BAZ2B: variants seen among roughly 807,000 people sequenced by gnomAD.
BAZ2B encodes bromodomain adjacent to zinc finger domain protein 2B.
A neutral mutation model predicts 246.0 loss-of-function variants in BAZ2B; 91 were observed. That is an observed-to-expected ratio of 0.37 (90% CI 0.31 to 0.44). The LOEUF is 0.44. Among genes scored for constraint, BAZ2B ranks in the 20% least tolerant of loss-of-function variants. The pLI is 1.00. For synonymous variants in BAZ2B, 855 were observed against 860.0 expected (o/e 0.99, Z 0.10); for missense variants, 2,332 against 2,533.7 (o/e 0.92, Z 1.71).
At position 159,320,255 on chromosome 2, in the gene BAZ2B, T is replaced by A; in HGVS notation, c.*10A>T. On this transcript the variant is annotated 3_prime_UTR_variant, in exon 37 of 37. Coordinates refer to ENST00000392783, the MANE Select transcript of BAZ2B (RefSeq NM_013450.4). ...TTTAGAAGGAAAAAAATAAAGAGAT[T>A]ATTATAACTTCAGCTCACTTTGAAA... is the stretch of plus-strand genomic sequence containing the variant. The A allele has an allele frequency of 6.5e-7, 1 of 1,526,722 alleles. No homozygotes were observed. The highest frequency in any genetic ancestry group is 8.7e-7 in the Non-Finnish European group (1 of 1,149,668). 94.6% of individuals were successfully genotyped at this position (1,526,722 alleles called of 1,614,324 possible).
In BAZ2B at chr2:159,352,911, G is replaced by A. The variant is rs2058709765; in HGVS notation, c.4214-2554C>T. 4.6e-5 allele frequency among the ~76,000 whole-genome samples: 7 copies of A among 152,302 alleles called. No homozygotes were observed. The South Asian group carries it at 1.0e-3, about 23-fold the overall frequency. The stretch of plus-strand genomic sequence containing the variant: ...TCCCAGCTACTTGGGAGGCTGAGGT[G>A]GAAGGATCGCTTGAGCCCAGGAGTT... On this transcript the variant is annotated intron_variant, in intron 27 of 36. Coordinates refer to ENST00000392783, the MANE Select transcript of BAZ2B (RefSeq NM_013450.4).
At chr2:159,389,091 A>C (rs2062997021) in intron 21 of BAZ2B, among the ~76,000 whole-genome samples, 1 of 133,436 alleles carries the variant, frequency 7.5e-6, no homozygotes, top group African/African-American at 2.8e-5. Flanking sequence ...CCCTGTCTGA[A>C]AACAACCAAC....
chr2:159,538,707 T>A (rs2086300882), intron 2 of BAZ2B, among the ~76,000 whole-genome samples: 1 of 152,250 alleles, frequency 6.6e-6, no homozygotes, highest in South Asian at 2.1e-4. Flanking sequence ...AATCAATTCC[T>A]TTGTTTATAA....
At chr2:159,354,657 T>C (rs2058906783) in intron 27 of BAZ2B, among the ~76,000 whole-genome samples, 1 of 152,282 alleles carries the variant, frequency 6.6e-6, no homozygotes, top group South Asian at 2.1e-4. Flanking sequence ...GGCTGTAAAA[T>C]TACTTTTAAT....
At chr2:159,672,233 G>C in the BAZ2B span, among the ~76,000 whole-genome samples, 5 of 152,108 alleles carry the variant, frequency 3.3e-5, no homozygotes, top group African/African-American at 1.2e-4. Context: ...AGGATTTATG[G>C]TACACATTTC....
intron 13 of BAZ2B, among the ~76,000 whole-genome samples, chr2:159,426,544 T>TA (rs1164828513): frequency 2.0e-5 from 3 of 152,064 alleles, no homozygotes; most frequent in Admixed American, 6.5e-5. Flanking sequence ...CTTTAGTTTT[T>TA]AAAAAAATAG....
chr2:159,706,344 T>A, the BAZ2B span, among the ~76,000 whole-genome samples: 1 of 152,202 alleles, frequency 6.6e-6, no homozygotes, highest in Non-Finnish European at 1.5e-5. Flanking sequence ...TACACAAATG[T>A]GGACACGAAA....
At chr2:159,500,073 T>G (rs2081551438) in intron 2 of BAZ2B, among the ~76,000 whole-genome samples, 1 of 152,244 alleles carries the variant, frequency 6.6e-6, no homozygotes, top group Non-Finnish European at 1.5e-5. Context: ...TTTGGCATTT[T>G]CATCATAAAA....
In BAZ2B at chr2:159,412,430, C is replaced by A. The variant is rs376009852; in HGVS notation, c.2582G>T (p.Arg861Met). 6.2e-7 allele frequency: 1 copy of A among 1,614,006 alleles called. No homozygotes were observed. The highest frequency in any genetic ancestry group is 1.3e-5 in the African/African-American group (1 of 74,906). The change falls in exon 14 of 37, where the codon AGG (arginine) becomes ATG (methionine). Residue 861 changes from arginine (R) to methionine (M), a missense_variant. By Grantham distance (91) the Arg-to-Met change is moderately conservative. Around this residue, in one of 9 missense-constraint regions of BAZ2B, gnomAD observed 651 missense variants for 650.9 expected, o/e 1.00. Transcript: ENST00000392783. ...AGGTCGACCTTTCCGACGTCTCATC[C>A]TGGATTCCTCTCTTGCTCGTTGTCT... ...PDRQRAREES[R>M]MRRRKGRPPN...
rs539287723 is a variant in BAZ2B at position 159,478,724 on chromosome 2, A to G, written c.-2-3T>C. 2 of 1,517,124 alleles carry G rather than the reference A, an allele frequency of 1.3e-6. No individual in the cohort carries two copies. Among genetic ancestry groups the G allele is most frequent in the Admixed American group, 2.2e-5 (1 of 46,262 alleles). 94.0% of individuals were successfully genotyped at this position (1,517,124 alleles called of 1,614,324 possible). Reference sequence around the variant, plus strand: ...TAACCGTTCTCCAGACTCCATATCTATGAGAAGGGAAAATGTTAATTCTCA... The same window carrying G: ...TAACCGTTCTCCAGACTCCATATCTGTGAGAAGGGAAAATGTTAATTCTCA... On this transcript the variant is annotated splice_region_variant and splice_polypyrimidine_tract_variant and intron_variant, in intron 2 of 36. Coordinates refer to ENST00000392783, the MANE Select transcript of BAZ2B (RefSeq NM_013450.4).
At chr2:159,569,176 A>G (rs564249065) in intron 1 of BAZ2B, among the ~76,000 whole-genome samples, 1 of 152,312 alleles carries the variant, frequency 6.6e-6, no homozygotes, top group East Asian at 1.9e-4. Flanking sequence ...AAAACAACCA[A>G]AAAAGATTTA....
chr2:159,676,993 TATTAC>T, the BAZ2B span, among the ~76,000 whole-genome samples: 4 of 127,500 alleles, frequency 3.1e-5, no homozygotes, highest in Non-Finnish European at 5.1e-5. Context: ...TATATATATA[TATTAC>T]AATTTTTAAA....
the BAZ2B span, among the ~76,000 whole-genome samples, chr2:159,711,428 A>G: frequency 6.6e-6 from 1 of 152,224 alleles, no homozygotes; most frequent in Non-Finnish European, 1.5e-5. Context: ...CAAGACAATA[A>G]AATAAGGATG....
rs977679787 is a variant in BAZ2B at position 159,468,599 on chromosome 2, T to C, written c.145+9976A>G. On this transcript the variant is annotated intron_variant, in intron 3 of 36. Coordinates refer to ENST00000392783, the MANE Select transcript of BAZ2B (RefSeq NM_013450.4). ...CCAAAGAAGAATTAACAAAGGAAAATAGAAAATGTTTTTACTGGAATGGTA... is the reference window on the plus strand; with the variant it reads ...CCAAAGAAGAATTAACAAAGGAAAACAGAAAATGTTTTTACTGGAATGGTA... Among the ~76,000 whole-genome samples, 48 of 151,842 alleles carry C rather than the reference T, an allele frequency of 3.2e-4. 1 individual carries two copies. The highest frequency in any genetic ancestry group is 6.6e-5 in the Admixed American group (1 of 15,262).
At chr2:159,591,326 AT>A (rs1213179603) in intron 1 of BAZ2B, among the ~76,000 whole-genome samples, 1 of 152,194 alleles carries the variant, frequency 6.6e-6, no homozygotes, top group African/African-American at 2.4e-5. Context: ...ACTTACTTCC[AT>A]TAAAACAGGA....
chr2:159,596,844 G>A (rs1690843078), intron 1 of BAZ2B, among the ~76,000 whole-genome samples: 1 of 152,178 alleles, frequency 6.6e-6, no homozygotes, highest in Non-Finnish European at 1.5e-5. Context: ...TCTTATCCAA[G>A]TTGCTGCAAA....
At chr2:159,704,647 T>C in the BAZ2B span, among the ~76,000 whole-genome samples, 1 of 152,036 alleles carries the variant, frequency 6.6e-6, no homozygotes. Context: ...CATGCCCATC[T>C]AATTTTTGTA....
At chr2:159,373,672 A>G (rs1292533900) in intron 26 of BAZ2B, among the ~76,000 whole-genome samples, 4 of 152,158 alleles carry the variant, frequency 2.6e-5, no homozygotes, top group Non-Finnish European at 5.9e-5. Context: ...CTCTACAAAA[A>G]ATATGAAAAA....
intron 20 of BAZ2B, among the ~76,000 whole-genome samples, chr2:159,393,675 G>C (rs1031835659): frequency 3.9e-5 from 6 of 152,132 alleles, no homozygotes; most frequent in Non-Finnish European, 8.8e-5. Context: ...GCTATACCAG[G>C]TTTCTGGTAT....
Sources: gnomAD v4.1 joint callset for allele counts (sites outside exome capture counted in the v4.1 genomes callset) on GRCh38, gnomAD v4.1.1 for gene constraint, gnomAD v4.1.1 regional missense constraint, MANE v1.5 for transcripts, NCBI Gene and HGNC (gene_info 2026-07-23, HGNC 2026-07-21) for gene names.